Variants in FIG4 observed in about 807,000 individuals in gnomAD.
The protein encoded by FIG4 is polyphosphoinositide phosphatase.
A neutral mutation model predicts 118.6 loss-of-function variants in FIG4; 112 were observed. The observed-to-expected ratio is 0.94, with a 90% confidence interval of 0.81 to 1.11. The LOEUF (loss-of-function observed/expected upper bound fraction) is 1.11, where lower values mean the gene tolerates loss of function less well. Ranked by LOEUF, FIG4 falls within the 50% of genes least tolerant of loss-of-function variation. The pLI, the probability that FIG4 is intolerant of heterozygous loss-of-function variation, is 0.00. For missense variants in FIG4, 969 were observed against 1,111.7 expected (o/e 0.87, Z 1.83); for synonymous variants, 369 against 381.2 (o/e 0.97, Z 0.37).
intron 16 of FIG4, among the ~76,000 whole-genome samples, chr6:109,778,917 G>C (rs1777711781): frequency 6.6e-6 from 1 of 152,116 alleles, no homozygotes; most frequent in African/African-American, 2.4e-5. Flanking sequence ...CTGTTATTAA[G>C]TTCTGTGTTG....
intron 22 of FIG4, among the ~76,000 whole-genome samples, chr6:109,814,327 G>A (rs771620991): frequency 7.3e-5 from 11 of 151,620 alleles, no homozygotes; most frequent in Non-Finnish European, 1.3e-4. Flanking sequence ...TTTTTGTAGA[G>A]ATGGGAGTCT....
At chr6:109,730,697 T>C (rs1344418184) in intron 4 of FIG4, among the ~76,000 whole-genome samples, 2 of 152,050 alleles carry the variant, frequency 1.3e-5, no homozygotes, top group Non-Finnish European at 2.9e-5. Context: ...ATGGGATAAA[T>C]AGTGTTGGTT....
intron 15 of FIG4, among the ~76,000 whole-genome samples, chr6:109,769,649 A>G (rs914563861): frequency 1.3e-5 from 2 of 151,336 alleles, no homozygotes; most frequent in Admixed American, 1.3e-4. Context: ...CGCTGGGCAC[A>G]GTGGCTCACA....
chr6:109,799,701 A>G (rs1778379079), intron 22 of FIG4, among the ~76,000 whole-genome samples: 1 of 152,236 alleles, frequency 6.6e-6, no homozygotes, highest in Non-Finnish European at 1.5e-5. Context: ...AAATATTGAC[A>G]GTAAATAATT....
rs765684603 is a variant in FIG4, at chr6:109,741,395, T to G, written c.776-49T>G. ...ATTTAAGGAATAATGACTCTCTTGG[T>G]CTTATGTGACAGTCATGAATGCTAA... On this transcript the variant is annotated intron_variant, in intron 7 of 22. Transcript: ENST00000230124. The G allele has an allele frequency of 2.3e-5, 26 of 1,125,080 alleles. 1 individual carries two copies. The highest frequency in any genetic ancestry group is 3.5e-5 in the Non-Finnish European group (26 of 733,662). The allele number at this position is 1,125,080 out of a possible 1,614,324, so 69.7% of individuals were successfully genotyped here. A position where few individuals can be genotyped will look rare whatever the true frequency, so the allele number is the denominator to read the frequency against.
chr6:109,820,213 T>C (rs1224005056), intron 22 of FIG4, among the ~76,000 whole-genome samples: 1 of 152,192 alleles, frequency 6.6e-6, no homozygotes, highest in Non-Finnish European at 1.5e-5. Context: ...CTAGCGACTG[T>C]CAAATGCTTC....
intron 1 of FIG4, among the ~76,000 whole-genome samples, chr6:109,701,317 G>C (rs907186174): frequency 1.3e-5 from 2 of 152,168 alleles, no homozygotes; most frequent in African/African-American, 2.4e-5. Context: ...CAGGCCTAAC[G>C]CAGCACTAAC....
At chr6:109,713,627 A>G (rs554670996) in intron 1 of FIG4, among the ~76,000 whole-genome samples, 1 of 152,186 alleles carries the variant, frequency 6.6e-6, no homozygotes, top group Non-Finnish European at 1.5e-5. Context: ...GACAGGGTAC[A>G]TGCGCACACG....
chr6:109,725,317 T>C (rs1480215680), intron 3 of FIG4, among the ~76,000 whole-genome samples: 1 of 152,108 alleles, frequency 6.6e-6, no homozygotes, highest in Non-Finnish European at 1.5e-5. Flanking sequence ...TGTGTTCTCA[T>C]TGTTCAGCTC....
intron 10 of FIG4, among the ~76,000 whole-genome samples, chr6:109,759,819 C>T (rs1219807021): frequency 9.2e-5 from 14 of 152,236 alleles, no homozygotes; most frequent in Admixed American, 9.2e-4. Context: ...GGCTGAGAAG[C>T]TGCTTTCTGC....
At chr6:109,747,952 G>T (rs1474868679) in intron 10 of FIG4, among the ~76,000 whole-genome samples, 1 of 152,002 alleles carries the variant, frequency 6.6e-6, no homozygotes, top group African/African-American at 2.4e-5. Context: ...CGCCTGGCTG[G>T]AATTATTTTA....
chr6:109,760,075 G>A (rs80101079), intron 10 of FIG4, among the ~76,000 whole-genome samples, 175 bp from the exon 11 acceptor site: 1 of 152,074 alleles, frequency 6.6e-6, no homozygotes, highest in Non-Finnish European at 1.5e-5. Flanking sequence ...TTAATACAAT[G>A]GAGCATTTAT....
chr6:109,789,565 T>C (rs1220519990), intron 18 of FIG4, 29 bp from the exon 19 acceptor site: 2 of 1,487,440 alleles, frequency 1.3e-6, no homozygotes, highest in Admixed American at 3.3e-5. Context: ...CAGTAATTCA[T>C]ATGTAATTGT....
chr6:109,802,405 T>C (rs1490839613), intron 22 of FIG4, among the ~76,000 whole-genome samples: 1 of 152,218 alleles, frequency 6.6e-6, no homozygotes, highest in African/African-American at 2.4e-5. Flanking sequence ...TTCTGAAAAT[T>C]AGTTGTGAAA....
chr6:109,722,980 A>G (rs1583650153), intron 3 of FIG4, among the ~76,000 whole-genome samples: 1 of 98,460 alleles, frequency 1.0e-5, no homozygotes, highest in Admixed American at 1.1e-4. Flanking sequence ...GCACCTGCCC[A>G]GAGTAGATAT....
chr6:109,783,743 G>T (rs1212964123), intron 16 of FIG4, among the ~76,000 whole-genome samples: 1 of 152,240 alleles, frequency 6.6e-6, no homozygotes, highest in Admixed American at 6.5e-5. Context: ...TTGCTCAGGA[G>T]TTTGTCATAG....
chr6:109,790,974 T>C (rs1583740258), intron 19 of FIG4, among the ~76,000 whole-genome samples: 1 of 152,302 alleles, frequency 6.6e-6, no homozygotes, highest in South Asian at 2.1e-4. Flanking sequence ...TATACATAGG[T>C]TTGGCTACCC....
intron 16 of FIG4, among the ~76,000 whole-genome samples, chr6:109,777,830 G>A (rs1485997218): frequency 2.0e-5 from 3 of 152,210 alleles, no homozygotes; most frequent in African/African-American, 7.2e-5. Context: ...TGAGCCTCAG[G>A]ATCAGGTAGA....
In FIG4 at chr6:109,732,830, T is replaced by C. The variant is rs1386314160; in HGVS notation, c.497+143T>C. The C allele has an allele frequency of 1.0e-5, 6 of 579,670 alleles. No homozygotes were observed. In the East Asian group the frequency reaches 1.7e-4, roughly 16 times the overall value. The allele number at this position is 579,670 out of a possible 1,614,324, so 35.9% of individuals were successfully genotyped here. On this transcript the variant is annotated intron_variant, in intron 5 of 22. Coordinates refer to ENST00000230124, the MANE Select transcript of FIG4 (RefSeq NM_014845.6). ...TTATCTAAAATCATTAAAATATAGC[T>C]ATTTCTTCCTTTTAAAAATCTTATA...
Sources: gnomAD v4.1 joint callset for allele counts (sites outside exome capture counted in the v4.1 genomes callset) on GRCh38, gnomAD v4.1.1 for gene constraint, MANE v1.5 for transcripts, NCBI Gene and HGNC (gene_info 2026-07-23, HGNC 2026-07-21) for gene names.